Variants in DDR2 observed in about 807,000 individuals in gnomAD.
DDR2 encodes the protein discoidin domain-containing receptor 2.
A neutral mutation model predicts 94.9 loss-of-function variants in DDR2; 27 were observed. The observed-to-expected ratio is 0.28, with a 90% CI of 0.21 to 0.39. The LOEUF (loss-of-function observed/expected upper bound fraction) is 0.39, where lower values mean the gene tolerates loss of function less well. Among genes scored for constraint, DDR2 ranks in the 10% least tolerant of loss-of-function variants. The pLI, the probability that DDR2 is intolerant of heterozygous loss-of-function variation, is 1.00. For missense variants in DDR2, 783 were observed against 1,076.0 expected (o/e 0.73, Z 3.81); for synonymous variants, 382 against 377.2 (o/e 1.01, Z -0.15).
intron 2 of DDR2, among the ~76,000 whole-genome samples, chr1:162,663,946 C>T (rs1222626677): frequency 6.6e-6 from 1 of 152,052 alleles, no homozygotes; most frequent in Non-Finnish European, 1.5e-5. Context: ...TGGACTTGAG[C>T]CCTGTACTCG....
intron 2 of DDR2, among the ~76,000 whole-genome samples, chr1:162,665,762 A>G (rs1383352099): frequency 6.6e-6 from 1 of 152,188 alleles, no homozygotes; most frequent in Non-Finnish European, 1.5e-5. Context: ...AATAAAGTCC[A>G]ATCTGTGATC....
chr1:162,749,006 G>A (rs1663035299), intron 3 of DDR2, among the ~76,000 whole-genome samples: 1 of 152,196 alleles, frequency 6.6e-6, no homozygotes, highest in South Asian at 2.1e-4. Context: ...ATTCAAAGCA[G>A]TGCATAGAGG....
intron 13 of DDR2, among the ~76,000 whole-genome samples, chr1:162,773,068 T>A (rs772670046): frequency 1.3e-5 from 2 of 152,234 alleles, no homozygotes; most frequent in African/African-American, 4.8e-5. Flanking sequence ...GAGTTTCTTA[T>A]AATGCTAAAC....
chr1:162,666,841 A>G, intron 2 of DDR2, among the ~76,000 whole-genome samples: 1 of 151,522 alleles, frequency 6.6e-6, no homozygotes, highest in East Asian at 1.9e-4. Flanking sequence ...TTTTCTTAAC[A>G]TTTAAGTTTG....
At chr1:162,732,660 A>G (rs1168541981) in intron 3 of DDR2, among the ~76,000 whole-genome samples, 1 of 152,180 alleles carries the variant, frequency 6.6e-6, no homozygotes, top group Admixed American at 6.5e-5. Context: ...TGACCCCAAT[A>G]ATGCCCCTCA....
chr1:162,645,109 T>C (rs1209855665), intron 1 of DDR2, among the ~76,000 whole-genome samples: 3 of 152,232 alleles, frequency 2.0e-5, no homozygotes, highest in African/African-American at 7.2e-5. Context: ...TGGTCATAAG[T>C]TGCTGATGAA....
intron 3 of DDR2, among the ~76,000 whole-genome samples, chr1:162,749,101 G>A (rs1249278451): frequency 2.0e-5 from 3 of 151,028 alleles, no homozygotes; most frequent in Admixed American, 6.6e-5. Context: ...AAGAACTAGA[G>A]AAGCAAGAGC....
intron 2 of DDR2, among the ~76,000 whole-genome samples, chr1:162,666,861 C>G (rs1239662273): frequency 6.6e-6 from 1 of 150,514 alleles, no homozygotes; most frequent in Admixed American, 6.6e-5. Context: ...GATGTTTATC[C>G]TTCTTGACAT....
rs141232073 is a variant in DDR2 at position 162,693,682 on chromosome 1, T to C, written c.-27-25355T>C. Among the ~76,000 whole-genome samples, 462 of 152,264 alleles carry C rather than the reference T, an allele frequency of 3.0e-3. 6 individuals carry two copies. Among genetic ancestry groups the C allele is most frequent in the Middle Eastern group, 3.4e-3 (1 of 294 alleles). On this transcript the variant is annotated intron_variant, in intron 2 of 17. Coordinates refer to ENST00000367921, the MANE Select transcript of DDR2 (RefSeq NM_006182.4). ...CTGGGCTGAGGGTTTGGGCACTGAC[T>C]AGGTGTTGTTTTATATGGGGTGGTC...
chr1:162,664,201 T>C (rs1042537575), intron 2 of DDR2, among the ~76,000 whole-genome samples: 5 of 152,126 alleles, frequency 3.3e-5, no homozygotes, highest in African/African-American at 4.8e-5. Context: ...TATTTATTAA[T>C]TAAAGATATT....
intron 2 of DDR2, among the ~76,000 whole-genome samples, chr1:162,685,360 G>A (rs2101965413): frequency 6.6e-6 from 1 of 152,274 alleles, no homozygotes; most frequent in East Asian, 1.9e-4. Flanking sequence ...TTGTCATGGT[G>A]CTATTGCAAC....
chr1:162,684,020 G>A (rs1659541082), intron 2 of DDR2, among the ~76,000 whole-genome samples: 1 of 152,132 alleles, frequency 6.6e-6, no homozygotes, highest in African/African-American at 2.4e-5. Context: ...AGGCTGTGTG[G>A]TATTGACAGA....
rs1291790073 is a variant in DDR2 at position 162,770,494 on chromosome 1, C to T, written c.1486C>T (p.Pro496Ser). The T allele has an allele frequency of 6.2e-7, 1 of 1,613,952 alleles. No homozygotes were observed. The highest frequency in any genetic ancestry group is 8.5e-7 in the Non-Finnish European group (1 of 1,180,026). The change falls in exon 12 of 18, where the codon CCA becomes TCA. Residue 496 changes from proline (P) to serine (S), a missense_variant. Transcript: ENST00000367921. ...GATACGAAAACTCCCAGAATTTGCT[C>T]CAGGGGAGGAGGAGTCAGGTGAGGA... ...RLIRKLPEFA[P>S]GEEESGCSGV...
intron 2 of DDR2, among the ~76,000 whole-genome samples, chr1:162,688,932 C>G (rs1430441876): frequency 6.6e-6 from 1 of 152,198 alleles, no homozygotes; most frequent in Non-Finnish European, 1.5e-5. Context: ...CCCTGGTGCT[C>G]TGTTTTCACT....
chr1:162,677,266 C>G (rs1335737933), intron 2 of DDR2, among the ~76,000 whole-genome samples: 1 of 152,126 alleles, frequency 6.6e-6, no homozygotes, highest in Admixed American at 6.6e-5. Flanking sequence ...CCCCAGGGGG[C>G]CACTTCCAAA....
At chr1:162,696,803 C>T (rs1156448412) in intron 2 of DDR2, among the ~76,000 whole-genome samples, 1 of 152,082 alleles carries the variant, frequency 6.6e-6, no homozygotes, top group African/African-American at 2.4e-5. Context: ...TCTTCCCTGC[C>T]CCCGCTGTCT....
chr1:162,775,637 C>T lies in DDR2; in HGVS notation c.1857-15C>T, dbSNP rs1401100840. ...TGGCAACTTCTGAGTTTATCTATGT[C>T]TGTATCCTCCCAAGGAATGATTTTC... On this transcript the variant is annotated splice_polypyrimidine_tract_variant and intron_variant, in intron 14 of 17. Transcript: ENST00000367921. The T allele has an allele frequency of 6.2e-7, 1 of 1,613,674 alleles. No homozygotes were observed. The highest frequency in any genetic ancestry group is 1.1e-5 in the South Asian group (1 of 91,062).
intron 13 of DDR2, among the ~76,000 whole-genome samples, chr1:162,772,879 A>G (rs1029961487): frequency 6.6e-6 from 1 of 152,214 alleles, no homozygotes; most frequent in Non-Finnish European, 1.5e-5. Flanking sequence ...TCCAAATAAA[A>G]CATTTGGTTT....
At chr1:162,721,294 C>T (rs2102035391) in intron 3 of DDR2, among the ~76,000 whole-genome samples, 2 of 152,280 alleles carry the variant, frequency 1.3e-5, no homozygotes, top group Middle Eastern at 6.8e-3. Context: ...TTGGAGACAG[C>T]AAATAGTCAT....
Sources: gnomAD v4.1 joint callset for allele counts (sites outside exome capture counted in the v4.1 genomes callset) on GRCh38, gnomAD v4.1.1 for gene constraint, MANE v1.5 for transcripts, NCBI Gene and HGNC (gene_info 2026-07-23, HGNC 2026-07-21) for gene names.